Variants in PDGFC observed in about 807,000 individuals in gnomAD.
The protein encoded by PDGFC is platelet derived growth factor C, also known as platelet-derived growth factor C.
A neutral mutation model predicts 35.5 loss-of-function variants in PDGFC; 12 were observed. That is an observed-to-expected ratio of 0.34 (90% confidence interval 0.22 to 0.55). The LOEUF is 0.55. Ranked by LOEUF, PDGFC falls within the 20% of genes least tolerant of loss-of-function variation. PDGFC has a pLI of 0.91. For synonymous variants in PDGFC, 159 were observed against 148.8 expected, an observed-to-expected ratio of 1.07 and a Z score of -0.50; for missense variants, 322 against 412.4, an observed-to-expected ratio of 0.78 and a Z score of 1.90.
chr4:156,818,441 T>C (rs1732152528), intron 2 of PDGFC, among the ~76,000 whole-genome samples: 1 of 151,748 alleles, frequency 6.6e-6, no homozygotes, highest in Non-Finnish European at 1.5e-5. Context: ...TTCCTTCAAC[T>C]ACTTTTCTTT....
At chr4:156,890,103 AG>A (rs1730468838) in intron 1 of PDGFC, among the ~76,000 whole-genome samples, 1 of 152,040 alleles carries the variant, frequency 6.6e-6, no homozygotes, top group South Asian at 2.1e-4. Context: ...ACAGAAAGGG[AG>A]GGCACTGGTC....
At chr4:156,783,877 G>A (rs1361148495) in intron 3 of PDGFC, among the ~76,000 whole-genome samples, 1 of 152,144 alleles carries the variant, frequency 6.6e-6, no homozygotes, top group African/African-American at 2.4e-5. Context: ...ACATGACCAT[G>A]GTAGAACCAA....
intron 1 of PDGFC, among the ~76,000 whole-genome samples, chr4:156,856,512 T>G (rs1219497420): frequency 6.6e-6 from 1 of 152,152 alleles, no homozygotes; most frequent in Non-Finnish European, 1.5e-5. Context: ...AGGCAATAGC[T>G]GATTCCTGGT....
At position 156,819,866 on chromosome 4, in the gene PDGFC, A is replaced by T. The variant is rs564711041; in HGVS notation, c.315-8849T>A. Reference sequence around the variant, plus strand: ...TTCTGGAAAGGATTCACCATTCTTGATGCCATTAACAATATTCATGATTCA... The same window carrying T: ...TTCTGGAAAGGATTCACCATTCTTGTTGCCATTAACAATATTCATGATTCA... On this transcript the variant is annotated intron_variant, in intron 2 of 5. Coordinates refer to ENST00000502773, the MANE Select transcript of PDGFC (RefSeq NM_016205.3). Among the ~76,000 whole-genome samples, 15 of 152,330 alleles carry T rather than the reference A, an allele frequency of 9.8e-5. No individual in the cohort carries two copies. In the South Asian group the frequency reaches 1.7e-3, roughly 17 times the overall value.
chr4:156,871,825 A>G (rs1309150495), intron 1 of PDGFC, among the ~76,000 whole-genome samples: 1 of 152,026 alleles, frequency 6.6e-6, no homozygotes, highest in African/African-American at 2.4e-5. Flanking sequence ...GTAAACAAAC[A>G]TTAGAATCCC....
chr4:156,811,043 C>T lies in PDGFC; in HGVS notation c.315-26G>A, dbSNP rs778815775. The T allele has an allele frequency of 2.7e-6, 4 of 1,458,484 alleles. No homozygotes were observed. In the South Asian group the frequency reaches 5.2e-5, roughly 19 times the overall value. 90.3% of individuals were successfully genotyped at this position (1,458,484 alleles called of 1,614,324 possible). On this transcript the variant is annotated intron_variant, in intron 2 of 5. Transcript: ENST00000502773. ...CTGCAAAAAGACAAAGGGAAAGAGA[C>T]ATCATTTCATAATCTGTTATTCTGG...
At chr4:156,766,172 T>C (rs180674617) in intron 5 of PDGFC, among the ~76,000 whole-genome samples, 4 of 152,252 alleles carry the variant, frequency 2.6e-5, no homozygotes, top group African/African-American at 4.8e-5. Context: ...AGTTCTCTAA[T>C]AGAGTACCTT....
intron 2 of PDGFC, among the ~76,000 whole-genome samples, chr4:156,849,488 A>G (rs560989560): frequency 1.3e-5 from 2 of 152,254 alleles, no homozygotes; most frequent in South Asian, 4.1e-4. Context: ...TTCATGTTAT[A>G]CAAATGTCAT....
intron 2 of PDGFC, among the ~76,000 whole-genome samples, chr4:156,831,452 T>TG (rs1420590082): frequency 6.8e-6 from 1 of 146,582 alleles, no homozygotes; most frequent in Non-Finnish European, 1.5e-5. Context: ...TTTTTTTTTT[T>TG]TTTTTTTTTG....
chr4:156,932,807 T>C (rs1355163843), intron 1 of PDGFC, among the ~76,000 whole-genome samples: 1 of 150,802 alleles, frequency 6.6e-6, no homozygotes, highest in South Asian at 2.1e-4. Context: ...AATGACGAGT[T>C]AATGGGTGCA....
At chr4:156,864,197 T>C (rs10049781) in intron 1 of PDGFC, among the ~76,000 whole-genome samples, 18,363 of 152,094 alleles carry the variant, frequency 0.12, 1,408 homozygotes, top group African/African-American at 0.22. Context: ...AAAAGGGTAA[T>C]GTAAGGGTTG....
intron 2 of PDGFC, among the ~76,000 whole-genome samples, chr4:156,846,036 T>C (rs1398061907): frequency 6.6e-6 from 1 of 151,642 alleles, no homozygotes; most frequent in Admixed American, 6.6e-5. Context: ...TAAGGACACA[T>C]TGTGAAAATA....
intron 2 of PDGFC, among the ~76,000 whole-genome samples, chr4:156,823,833 G>C (rs944559026): frequency 6.6e-6 from 1 of 152,110 alleles, no homozygotes; most frequent in African/African-American, 2.4e-5. Flanking sequence ...AGCAACCTAA[G>C]TGTCCATCAA....
At chr4:156,844,139 A>G (rs1729269515) in intron 2 of PDGFC, among the ~76,000 whole-genome samples, 1 of 152,196 alleles carries the variant, frequency 6.6e-6, no homozygotes, top group Non-Finnish European at 1.5e-5. Context: ...AAAATTTTCC[A>G]TCACCACAGA....
intron 2 of PDGFC, among the ~76,000 whole-genome samples, chr4:156,846,577 A>C (rs1729331450): frequency 6.6e-6 from 1 of 151,816 alleles, no homozygotes; most frequent in South Asian, 2.1e-4. Context: ...ATAATGTTTT[A>C]TTAGATCAAA....
chr4:156,829,777 G>A (rs999845585), intron 2 of PDGFC, among the ~76,000 whole-genome samples: 2 of 151,948 alleles, frequency 1.3e-5, no homozygotes, highest in African/African-American at 4.8e-5. Context: ...TTATTATCTC[G>A]TGAGTTATAT....
At chr4:156,806,290 T>C (rs1731768418) in intron 3 of PDGFC, among the ~76,000 whole-genome samples, 1 of 152,184 alleles carries the variant, frequency 6.6e-6, no homozygotes, top group Admixed American at 6.6e-5. Context: ...AGAGGGTAAA[T>C]ATACATTGAC....
intron 1 of PDGFC, among the ~76,000 whole-genome samples, chr4:156,955,913 C>T (rs1732198288): frequency 6.6e-6 from 1 of 152,000 alleles, no homozygotes; most frequent in Non-Finnish European, 1.5e-5. Context: ...TTAGAACTCT[C>T]TCTTCCTTTT....
intron 1 of PDGFC, among the ~76,000 whole-genome samples, chr4:156,966,909 A>C (rs145576534): frequency 6.6e-5 from 10 of 152,336 alleles, no homozygotes; most frequent in African/African-American, 2.2e-4. Flanking sequence ...TTACCACATA[A>C]TAGAGCTTTT....
Sources: gnomAD v4.1 joint callset for allele counts (sites outside exome capture counted in the v4.1 genomes callset) on GRCh38, gnomAD v4.1.1 for gene constraint, MANE v1.5 for transcripts, NCBI Gene and HGNC (gene_info 2026-07-23, HGNC 2026-07-21) for gene names.